The following NBEAL1 variants were observed in gnomAD, a reference collection of about 807,000 sequenced individuals.
NBEAL1 encodes the protein neurobeachin like 1.
A neutral mutation model predicts 351.3 loss-of-function variants in NBEAL1; 273 were observed. That is an observed-to-expected ratio of 0.78 (90% CI 0.70 to 0.86). The LOEUF (loss-of-function observed/expected upper bound fraction) is 0.86, where lower values mean the gene tolerates loss of function less well. Among genes scored for constraint, NBEAL1 ranks in the 40% least tolerant of loss-of-function variants. NBEAL1 has a pLI of 0.00. For synonymous variants in NBEAL1, 1,050 were observed against 1,086.4 expected, an observed-to-expected ratio of 0.97 and a Z score of 0.66; for missense variants, 2,961 against 3,201.3, an observed-to-expected ratio of 0.92 and a Z score of 1.81.
intron 3 of NBEAL1, 94 bp downstream of exon 3, chr2:203,041,950 G>A (rs2106046871): frequency 2.5e-6 from 2 of 808,560 alleles, no homozygotes; most frequent in Non-Finnish European, 4.2e-6. Flanking sequence ...TGGCAATTAT[G>A]TTACCCTCTT....
chr2:203,182,270 C>T (rs2064742382), intron 43 of NBEAL1: 1 of 152,164 alleles, frequency 6.6e-6, no homozygotes, highest in South Asian at 2.1e-4. Context: ...AGTATTTTGG[C>T]TTTGGCTAGT....
chr2:203,048,587 A>G (rs1259634277), intron 3 of NBEAL1, among the ~76,000 whole-genome samples: 1 of 152,078 alleles, frequency 6.6e-6, no homozygotes, highest in East Asian at 1.9e-4. Context: ...CTCCTCTCGG[A>G]ACACAGATTT....
chr2:203,108,149 G>A lies in NBEAL1; in HGVS notation c.1910G>A (p.Gly637Asp), dbSNP rs1342307653. ...FCLDQDQLTL[G>D]IANKGGKRKQ... ...TTAGACCAGGATCAGTTGACTCTTG[G>A]CATTGCTAACAAAGGAGGGAAAAGG... The change falls in exon 14 of 56, where the codon GGC becomes GAC. Residue 637 changes from glycine to aspartate, a missense_variant. Physicochemically the swap from Gly to Asp is moderately conservative, Grantham distance 94. Coordinates refer to ENST00000683969, the MANE Select transcript of NBEAL1 (RefSeq NM_001378026.1). The A allele has an allele frequency of 4.5e-6, 7 of 1,551,420 alleles. No homozygotes were observed. Among genetic ancestry groups the A allele is most frequent in the Non-Finnish European group, 5.2e-6 (6 of 1,146,646 alleles).
chr2:203,086,680 G>C (rs1333388025), intron 10 of NBEAL1, among the ~76,000 whole-genome samples: 1 of 151,904 alleles, frequency 6.6e-6, no homozygotes, highest in East Asian at 1.9e-4. Context: ...GATTACAGGT[G>C]CCTGCCACCA....
intron 31 of NBEAL1, among the ~76,000 whole-genome samples, chr2:203,141,363 A>T (rs778467193): frequency 0.031 from 543 of 17,248 alleles, 4 homozygotes; most frequent in African/African-American, 0.039. Context: ...TATTATTATT[A>T]TTATTTTTTT....
intron 3 of NBEAL1, among the ~76,000 whole-genome samples, chr2:203,045,179 T>G (rs989825078): frequency 6.6e-6 from 1 of 152,148 alleles, no homozygotes; most frequent in Non-Finnish European, 1.5e-5. Context: ...TGACTAATTA[T>G]TTATTAAAAC....
intron 24 of NBEAL1, among the ~76,000 whole-genome samples, chr2:203,128,262 CTTTTT>C (rs11355179): frequency 2.1e-5 from 2 of 94,934 alleles, no homozygotes; most frequent in Non-Finnish European, 3.9e-5. Context: ...AATTTTTTGC[CTTTTT>C]TTTTTTTTTT....
Position 203,172,765 on chromosome 2 carries a change from T to C in NBEAL1, c.6235T>C (p.Leu2079=). 6.2e-7 allele frequency: 1 copy of C among 1,612,246 alleles called. No homozygotes were observed. The highest frequency in any genetic ancestry group is 8.5e-7 in the Non-Finnish European group (1 of 1,179,094). The part of the protein sequence containing the change: ...WILQDYTSEE[L]DLNNPAVFRD... ...TTTACAAGATTATACTTCGGAAGAG[T>C]TGGACCTTAATAACCCTGCTGTATT... is the stretch of plus-strand genomic sequence containing the variant. The change falls in exon 41 of 56, where the codon TTG becomes CTG. Residue 2079 remains leucine, a synonymous_variant. Coordinates refer to ENST00000683969, the MANE Select transcript of NBEAL1 (RefSeq NM_001378026.1).
Position 203,041,004 on chromosome 2 carries a change from AAAAATCGG to A in NBEAL1, c.52-757_52-750del, listed in dbSNP as rs550196978. 105 of 231,484 alleles carry A rather than the reference AAAAATCGG, an allele frequency of 4.5e-4. 1 individual carries two copies. The highest frequency in any genetic ancestry group is 2.2e-3 in the African/African-American group (98 of 43,904). The allele number at this position is 231,484 out of a possible 1,614,324, so 14.3% of individuals were successfully genotyped here. Reference sequence around the variant, plus strand: ...GAAGATTATTCCCTGCCTTATCTTCAAAAATCGGAAAGGAAGGGTTAAAATATAGTGGC... The same window carrying A: ...GAAGATTATTCCCTGCCTTATCTTCAAAAGGAAGGGTTAAAATATAGTGGC... On this transcript the variant is annotated intron_variant, in intron 2 of 55. Transcript: ENST00000683969.
chr2:203,036,543 A>C (rs941657767), intron 2 of NBEAL1, among the ~76,000 whole-genome samples: 9 of 149,208 alleles, frequency 6.0e-5, no homozygotes, highest in African/African-American at 2.2e-4. Flanking sequence ...TCCCTTTTCT[A>C]ACCTGTAAAA....
chr2:203,080,303 T>C (rs1348333091), intron 8 of NBEAL1, among the ~76,000 whole-genome samples: 1 of 151,992 alleles, frequency 6.6e-6, no homozygotes, highest in East Asian at 1.9e-4. Flanking sequence ...TCCCTGCTAC[T>C]CTGGAGGCTG....
intron 12 of NBEAL1, among the ~76,000 whole-genome samples, chr2:203,105,711 A>G (rs2062422615): frequency 6.6e-6 from 1 of 152,204 alleles, no homozygotes; most frequent in Non-Finnish European, 1.5e-5. Flanking sequence ...TTGTTTGCCT[A>G]TACTTGTGAT....
At chr2:203,172,368 A>G (rs2064348509) in intron 40 of NBEAL1, among the ~76,000 whole-genome samples, 1 of 152,022 alleles carries the variant, frequency 6.6e-6, no homozygotes, top group African/African-American at 2.4e-5. Flanking sequence ...TAAAAATACA[A>G]AAATTATCTG....
chr2:203,161,818 G>A (rs976302475), intron 36 of NBEAL1, among the ~76,000 whole-genome samples: 4 of 151,812 alleles, frequency 2.6e-5, no homozygotes, highest in Admixed American at 1.3e-4. Context: ...GGGTGACAGA[G>A]CCAGACCCTA....
intron 49 of NBEAL1, 97 bp downstream of exon 49, chr2:203,199,544 A>T (rs183637591): frequency 5.9e-4 from 283 of 479,648 alleles, no homozygotes; most frequent in African/African-American, 1.7e-3. Flanking sequence ...TGAAAGAAAT[A>T]TTTTTTTTTT....
At chr2:203,047,093 CG>C (rs1393854225) in intron 3 of NBEAL1, among the ~76,000 whole-genome samples, 1 of 151,930 alleles carries the variant, frequency 6.6e-6, no homozygotes, top group Admixed American at 6.6e-5. Flanking sequence ...ACAAAATTAG[CG>C]GGCGTGGTGG....
At chr2:203,148,810 A>C (rs1040253560) in intron 33 of NBEAL1, among the ~76,000 whole-genome samples, 181 bp from the exon 34 acceptor site, 5 of 151,936 alleles carry the variant, frequency 3.3e-5, no homozygotes, top group African/African-American at 1.2e-4. Context: ...TATAGGTAAA[A>C]TTATATCACA....
At position 203,188,455 on chromosome 2, in the gene NBEAL1, AT is replaced by A. The variant is rs1429106882; in HGVS notation, c.6706-14del. Reference sequence around the variant, plus strand: ...AAGATATCTCTATATTAATTATTAAATTTATTCTTTTTCTAGGAGTCTGAAT... The same window carrying A: ...AAGATATCTCTATATTAATTATTAAATTATTCTTTTTCTAGGAGTCTGAAT... On this transcript the variant is annotated splice_polypyrimidine_tract_variant and intron_variant, in intron 44 of 55. Transcript: ENST00000683969. 2 of 1,370,420 alleles carry A rather than the reference AT, an allele frequency of 1.5e-6. No homozygotes were observed. Among genetic ancestry groups the A allele is most frequent in the African/African-American group, 2.9e-5 (2 of 68,310 alleles). The allele number at this position is 1,370,420 out of a possible 1,614,324, so 84.9% of individuals were successfully genotyped here. A position where few individuals can be genotyped will look rare whatever the true frequency, so the allele number is the denominator to read the frequency against.
intron 15 of NBEAL1, 111 bp downstream of exon 15, chr2:203,110,393 G>A: frequency 8.6e-7 from 1 of 1,162,730 alleles, no homozygotes; most frequent in Non-Finnish European, 1.2e-6. Context: ...AAATGAGGCT[G>A]GGCGCAGTGG....
Sources: gnomAD v4.1 joint callset for allele counts (sites outside exome capture counted in the v4.1 genomes callset) on GRCh38, gnomAD v4.1.1 for gene constraint, MANE v1.5 for transcripts, NCBI Gene and HGNC (gene_info 2026-07-23, HGNC 2026-07-21) for gene names.